STAT6: variants seen among roughly 807,000 people sequenced by gnomAD.
The protein encoded by STAT6 is signal transducer and activator of transcription 6.
In STAT6, 45 loss-of-function variants were observed where a neutral mutation model predicts 106.3. That is an observed-to-expected ratio of 0.42 (90% CI 0.33 to 0.54). The LOEUF is 0.54. Among genes scored for constraint, STAT6 ranks in the 20% least tolerant of loss-of-function variants. The pLI, the probability that STAT6 is intolerant of heterozygous loss-of-function variation, is 0.06. For synonymous variants in STAT6, 413 were observed against 413.6 expected (o/e 1.00, Z 0.02); for missense variants, 797 against 1,062.2 (o/e 0.75, Z 3.47).
intron 1 of STAT6, chr12:57,109,896 A>G (rs1029348336): frequency 1.3e-5 from 2 of 152,108 alleles, no homozygotes; most frequent in African/African-American, 4.8e-5. Context: ...GGTCTCCCCA[A>G]ACCCAGTAAC....
In STAT6 at chr12:57,098,544, G is replaced by C. The variant is rs1166363701; in HGVS notation, c.2120C>G (p.Ser707Cys). 6.2e-7 allele frequency: 1 copy of C among 1,614,082 alleles called. No individual in the cohort carries two copies. The highest frequency in any genetic ancestry group is 2.2e-5 in the East Asian group (1 of 44,904). The stretch of plus-strand genomic sequence containing the variant: ...CAACACGTTGACTGATTCTTCTGGG[G>C]AGAGGCCTTGATACGGGGGGATGGA... ...SHSIPPYQGLSPEESVNVLSA... is the reference protein window; with the variant it reads ...SHSIPPYQGLCPEESVNVLSA... Residue 707 changes from serine (S) to cysteine (C), a missense_variant, in exon 19 of 22, where the codon TCC becomes TGC. Physicochemically the swap from Ser to Cys is moderately radical, Grantham distance 112. Coordinates refer to ENST00000300134, the MANE Select transcript of STAT6 (RefSeq NM_003153.5).
chr12:57,095,580 C>T lies in STAT6; in HGVS notation c.*992G>A, dbSNP rs1230712260. The T allele has an allele frequency of 1.3e-5, 2 of 152,450 alleles. No individual in the cohort carries two copies. The highest frequency in any genetic ancestry group is 2.9e-5 in the Non-Finnish European group (2 of 68,070). 9.4% of individuals were successfully genotyped at this position (152,450 alleles called of 1,614,324 possible). A position where few individuals can be genotyped will look rare whatever the true frequency, so the allele number is the denominator to read the frequency against. ...ATGCAGCAGGCAGGGCCCTCTCATA[C>T]ACTGGAGGGCCACATGGCCAGGCCT... On this transcript the variant is annotated 3_prime_UTR_variant, in exon 22 of 22. Coordinates refer to ENST00000300134, the MANE Select transcript of STAT6 (RefSeq NM_003153.5).
chr12:57,104,102 C>T lies in STAT6; in HGVS notation c.1212+362G>A, dbSNP rs1412650048. The T allele has an allele frequency of 1.2e-5, 3 of 249,054 alleles. No individual in the cohort carries two copies. In the Admixed American group the frequency reaches 1.5e-4, roughly 13 times the overall value. 15.4% of individuals were successfully genotyped at this position (249,054 alleles called of 1,614,324 possible). A position where few individuals can be genotyped will look rare whatever the true frequency, so the allele number is the denominator to read the frequency against. ...TTAGCTGTGTGACTGGGACAAACTA[C>T]TTAAACTCTCTGTCTCAATGTCCTT... On this transcript the variant is annotated intron_variant, in intron 11 of 21. Coordinates refer to ENST00000300134, the MANE Select transcript of STAT6 (RefSeq NM_003153.5).
intron 13 of STAT6, among the ~76,000 whole-genome samples, chr12:57,101,069 G>C (rs888069581): frequency 6.6e-6 from 1 of 152,024 alleles, no homozygotes; most frequent in African/African-American, 2.4e-5. Context: ...TTTTGCAACA[G>C]GAATTCTTTT....
In STAT6 at chr12:57,108,309, A is replaced by C. The variant is rs2136618136; in HGVS notation, c.-21-10T>G. 2 of 1,447,978 alleles carry C rather than the reference A, an allele frequency of 1.4e-6. No homozygotes were observed. Among genetic ancestry groups the C allele is most frequent in the East Asian group, 4.6e-5 (2 of 43,170 alleles). The allele number at this position is 1,447,978 out of a possible 1,614,324, so 89.7% of individuals were successfully genotyped here. ...GGGACTTGGAGGTTGCCTGGAGGAG[A>C]AAAATAAGGCCACTCTGAGGGGTGC... On this transcript the variant is annotated splice_polypyrimidine_tract_variant and intron_variant, in intron 1 of 21. Transcript: ENST00000300134.
In STAT6 at chr12:57,106,235, C is replaced by T. The variant is rs189954641; in HGVS notation, c.636G>A (p.Gly212=). ...QIWKRQQQLA[G]NGAPFEESLA... ...GGCTCTCCTCAAACGGTGCGCCATT[C>T]CCTGCCAGCTGCTGCTGCCGTTTCC... The change falls in exon 7 of 22, where the codon GGG becomes GGA. Residue 212 remains glycine (G), a synonymous_variant. Transcript: ENST00000300134. 6.2e-7 allele frequency: 1 copy of T among 1,614,236 alleles called. No individual in the cohort carries two copies. Among genetic ancestry groups the T allele is most frequent in the Non-Finnish European group, 8.5e-7 (1 of 1,180,048 alleles).
At chr12:57,105,686 G>T in intron 7 of STAT6, 87 bp from the exon 8 acceptor site, 2 of 1,505,432 alleles carry the variant, frequency 1.3e-6, no homozygotes, top group Non-Finnish European at 8.9e-7. Flanking sequence ...AGGGAGAAAG[G>T]CTATCATGTG....
Position 57,102,868 on chromosome 12 carries a change from G to T in STAT6, c.1266C>A (p.Ala422=), listed in dbSNP as rs144530864. 308 of 1,612,976 alleles carry T rather than the reference G, an allele frequency of 1.9e-4. No individual in the cohort carries two copies. Among genetic ancestry groups the T allele is most frequent in the Middle Eastern group, 3.3e-4 (2 of 6,058 alleles). Residue 422 remains alanine, a synonymous_variant, in exon 12 of 22, where the codon GCC becomes GCA. Transcript: ENST00000300134. ...VIVHGNQDNN[A]KATILWDNAF... ...CATTGTCCCACAGGATAGTGGCTTT[G>T]GCATTGTTGTCTTGGTTGCCATGGA...
rs1440286900 is a variant in STAT6, at chr12:57,097,052, G to A, written c.2225+16C>T. On this transcript the variant is annotated intron_variant, in intron 20 of 21. Transcript: ENST00000300134. ...AAGAAGAGGCACATGGGGTCAGGAG[G>A]GGCTTTGTCACTCACTGGGGGTGAG... The A allele has an allele frequency of 6.4e-7, 1 of 1,571,248 alleles. No individual in the cohort carries two copies. The highest frequency in any genetic ancestry group is 1.9e-5 in the Admixed American group (1 of 53,892).
intron 13 of STAT6, among the ~76,000 whole-genome samples, chr12:57,101,057 G>A (rs1445966541): frequency 6.6e-6 from 1 of 152,080 alleles, no homozygotes; most frequent in Non-Finnish European, 1.5e-5. Context: ...ATTTTGTTCA[G>A]TTTTTGCAAC....
chr12:57,096,766 A>C lies in STAT6; in HGVS notation c.2355-5T>G. On this transcript the variant is annotated splice_region_variant and splice_polypyrimidine_tract_variant and intron_variant, in intron 21 of 21. Coordinates refer to ENST00000300134, the MANE Select transcript of STAT6 (RefSeq NM_003153.5). ...GGGAATATGTCTTCACCAATCCTGC[A>C]AGGAGATGGGAGAAGCAGTGGAGTA... The C allele has an allele frequency of 6.2e-7, 1 of 1,613,368 alleles. No individual in the cohort carries two copies. The highest frequency in any genetic ancestry group is 8.5e-7 in the Non-Finnish European group (1 of 1,179,700).
chr12:57,099,287 A>G lies in STAT6; in HGVS notation c.1891+7T>C. 2 of 1,614,122 alleles carry G rather than the reference A, an allele frequency of 1.2e-6. No homozygotes were observed. The highest frequency in any genetic ancestry group is 1.7e-6 in the Non-Finnish European group (2 of 1,180,006). On this transcript the variant is annotated splice_region_variant and intron_variant, in intron 16 of 21. Transcript: ENST00000300134. This position sits in a 1 kb window ranked among gnomAD's most constrained non-coding sequence, Gnocchi z 4.7. The stretch of plus-strand genomic sequence containing the variant: ...GGAAGGAATCAGAGCTGCCAGTTCC[A>G]GCTCACGCTTGTAGTGGCTCCGGAA...
intron 7 of STAT6, 152 bp downstream of exon 7, chr12:57,106,039 G>A (rs1474029070): frequency 9.8e-6 from 13 of 1,331,392 alleles, no homozygotes; most frequent in Non-Finnish European, 1.3e-5. Context: ...CTGAACGACA[G>A]TGTGCACAGC....
chr12:57,099,533 G>T lies in STAT6; in HGVS notation c.1745-93C>A. ...TAAGACCTGTTCTCACTCCACCAAG[G>T]CAAGGGAGAGAGGACCTAGGGTGGG... On this transcript the variant is annotated intron_variant, in intron 15 of 21. Coordinates refer to ENST00000300134, the MANE Select transcript of STAT6 (RefSeq NM_003153.5). The surrounding 1 kb of genome is among the most constrained non-coding windows in gnomAD (Gnocchi z 4.7). 6.4e-7 allele frequency: 1 copy of T among 1,554,522 alleles called. No individual in the cohort carries two copies. The highest frequency in any genetic ancestry group is 8.8e-7 in the Non-Finnish European group (1 of 1,137,214).
intron 4 of STAT6, 24 bp downstream of exon 4, chr12:57,107,207 G>A: frequency 6.2e-7 from 1 of 1,605,938 alleles, no homozygotes; most frequent in African/African-American, 1.3e-5. Flanking sequence ...TTGAGTTGGG[G>A]TGGGAGGTGG....
rs200837080 is a variant in STAT6 at position 57,098,824 on chromosome 12, G to A, written c.2034C>T (p.Ser678=). 27 of 1,613,386 alleles carry A rather than the reference G, an allele frequency of 1.7e-5. No homozygotes were observed. The highest frequency in any genetic ancestry group is 2.0e-5 in the Non-Finnish European group (24 of 1,179,800). ...CTGGGCCAAGCTGCATGCTCATGGA[G>A]GAATCAGGGGCCATTCCAAGGTCAT... The part of the protein sequence containing the change: ...PSYDLGMAPD[S]SMSMQLGPDM... The change falls in exon 18 of 22, where the codon TCC becomes TCT. Residue 678 remains serine, a synonymous_variant. Coordinates refer to ENST00000300134, the MANE Select transcript of STAT6 (RefSeq NM_003153.5).
At position 57,109,789 on chromosome 12, in the gene STAT6, C is replaced by T. The variant is rs566758475; in HGVS notation, c.-22+1340G>A. 8.5e-5 allele frequency among the ~76,000 whole-genome samples: 13 copies of T among 152,212 alleles called. No homozygotes were observed. In the East Asian group the frequency reaches 2.1e-3, roughly 25 times the overall value. On this transcript the variant is annotated intron_variant, in intron 1 of 21. Transcript: ENST00000300134. ...TCCCCATTTCCAGGTTCAGGGAGGA[C>T]TGGGTAACCAGTGGTTTCCCAGGGG...
Position 57,102,411 on chromosome 12 carries a change from C to T in STAT6, c.1391G>A (p.Gly464Glu). The T allele has an allele frequency of 6.2e-7, 1 of 1,614,132 alleles. No individual in the cohort carries two copies. Among genetic ancestry groups the T allele is most frequent in the Non-Finnish European group, 8.5e-7 (1 of 1,180,028 alleles). ...CTCTGGGAGCAGCCCCCGGTTGGTC[C>T]CCACCTCAGCCATGAACTTCAGGTT... is the stretch of plus-strand genomic sequence containing the variant. ...TLNLKFMAEV[G>E]TNRGLLPEHF... is the part of the protein sequence containing the mutation. Residue 464 changes from glycine to glutamate, a missense_variant, in exon 13 of 22, where the codon GGG becomes GAG. Gly to Glu is a moderately conservative substitution (Grantham distance 98). This residue lies in a region of STAT6 where 222 missense variants were observed against 354.6 expected (regional missense o/e 0.63). Transcript: ENST00000300134.
At chr12:57,105,802 C>G in intron 7 of STAT6, 2 of 912,882 alleles carry the variant, frequency 2.2e-6, no homozygotes, top group Non-Finnish European at 3.2e-6. Flanking sequence ...TTCTCAGTGC[C>G]TACACCCCCT....
Sources: gnomAD v4.1 joint callset for allele counts (sites outside exome capture counted in the v4.1 genomes callset) on GRCh38, gnomAD v4.1.1 for gene constraint, gnomAD v4.1.1 regional missense constraint, Gnocchi (gnomAD v3.1) non-coding constraint, MANE v1.5 for transcripts, NCBI Gene and HGNC (gene_info 2026-07-23, HGNC 2026-07-21) for gene names.